The following GALC variants were observed in gnomAD, a reference collection of about 807,000 sequenced individuals.
The protein encoded by GALC is galactosylceramidase.
A neutral mutation model predicts 91.8 loss-of-function variants in GALC; 77 were observed. That is an observed-to-expected ratio of 0.84 (90% CI 0.70 to 1.01). The LOEUF is 1.01. Among genes scored for constraint, GALC ranks in the 50% least tolerant of loss-of-function variants. GALC has a pLI of 0.00. For missense variants in GALC, 882 were observed against 855.9 expected, an observed-to-expected ratio of 1.03 and a Z score of -0.38; for synonymous variants, 357 against 306.7, an observed-to-expected ratio of 1.16 and a Z score of -1.71.
At chr14:87,965,113 ACT>A (rs1465590139) in intron 9 of GALC, among the ~76,000 whole-genome samples, 1 of 152,012 alleles carries the variant, frequency 6.6e-6, no homozygotes, top group Non-Finnish European at 1.5e-5. Context: ...TGTAATTGAA[ACT>A]CTATTAATAT....
intron 10 of GALC, 89 bp from the exon 11 acceptor site, chr14:87,950,837 C>T (rs1265243995): frequency 1.4e-6 from 1 of 737,706 alleles, no homozygotes; most frequent in Non-Finnish European, 2.4e-6. Flanking sequence ...CCAAGATTAA[C>T]AGAAATTTAC....
intron 9 of GALC, 97 bp from the exon 10 acceptor site, chr14:87,963,608 T>C (rs1885904115): frequency 2.9e-6 from 3 of 1,019,428 alleles, no homozygotes; most frequent in Non-Finnish European, 1.5e-6. Flanking sequence ...TGAGTCTGAT[T>C]CATCCAAACA....
intron 7 of GALC, among the ~76,000 whole-genome samples, chr14:87,970,130 C>A (rs1254775642): frequency 6.6e-6 from 1 of 152,158 alleles, no homozygotes; most frequent in East Asian, 1.9e-4. Context: ...TTCTATCCCA[C>A]AACTCCATTC....
At chr14:87,972,966 T>A (rs537012829) in intron 7 of GALC, among the ~76,000 whole-genome samples, 189 of 152,232 alleles carry the variant, frequency 1.2e-3, no homozygotes, top group Non-Finnish European at 2.4e-3. Flanking sequence ...AATGGTAAAG[T>A]GTATACAACA....
At chr14:87,989,406 C>T (rs533600557) in intron 1 of GALC, among the ~76,000 whole-genome samples, 1 of 152,274 alleles carries the variant, frequency 6.6e-6, no homozygotes, top group East Asian at 1.9e-4. Context: ...AAAACATCCC[C>T]AGTCCCTACC....
At chr14:87,953,965 C>G (rs1433648403) in intron 10 of GALC, 1 of 1,608,694 alleles carries the variant, frequency 6.2e-7, no homozygotes, top group East Asian at 2.2e-5. Context: ...AGGACTGCAG[C>G]ATTTTGGGCA....
At chr14:87,935,274 G>C (rs1884523649) in intron 16 of GALC, among the ~76,000 whole-genome samples, 1 of 152,094 alleles carries the variant, frequency 6.6e-6, no homozygotes, top group Non-Finnish European at 1.5e-5. Flanking sequence ...CAGCTCTTCA[G>C]ACATGACTGC....
intron 5 of GALC, among the ~76,000 whole-genome samples, chr14:87,983,470 T>C (rs1040685554): frequency 1.3e-5 from 2 of 152,252 alleles, no homozygotes; most frequent in Non-Finnish European, 2.9e-5. Flanking sequence ...ACAGTTTATA[T>C]GTTCCAGCAT....
chr14:87,954,554 G>T, intron 10 of GALC: 1 of 1,560,758 alleles, frequency 6.4e-7, no homozygotes, highest in South Asian at 1.1e-5. Context: ...CTTGTTTGAT[G>T]ATGATGTAAG....
intron 10 of GALC, among the ~76,000 whole-genome samples, chr14:87,951,782 T>C (rs1233906651): frequency 6.6e-6 from 1 of 151,950 alleles, no homozygotes; most frequent in Non-Finnish European, 1.5e-5. Flanking sequence ...TTTTCAGCTT[T>C]ATGAAAATGA....
At chr14:87,981,365 C>G (rs190877568) in intron 6 of GALC, 1 of 161,078 alleles carries the variant, frequency 6.2e-6, no homozygotes, top group South Asian at 1.8e-4. Flanking sequence ...GTATACTGCT[C>G]CAGTGATGGG....
At chr14:87,940,402 G>C (rs963077240) in intron 15 of GALC, among the ~76,000 whole-genome samples, 3 of 151,914 alleles carry the variant, frequency 2.0e-5, no homozygotes, top group African/African-American at 7.2e-5. Context: ...GGAGAAAATA[G>C]TAAGTTAATT....
In GALC at chr14:87,945,455, G is replaced by C. The variant is rs144779780; in HGVS notation, c.1670+98C>G. The C allele has an allele frequency of 1.1e-4, 102 of 910,570 alleles. No homozygotes were observed. The East Asian group carries it at 2.3e-3, about 20-fold the overall frequency. The allele number at this position is 910,570 out of a possible 1,614,324, so 56.4% of individuals were successfully genotyped here. A position where few individuals can be genotyped will look rare whatever the true frequency, so the allele number is the denominator to read the frequency against. ...CATATTACACATCTATTAGGTTCTT[G>C]AAATAGGAGGACCATTGAAAACTCT... On this transcript the variant is annotated intron_variant, in intron 14 of 16. Coordinates refer to ENST00000261304, the MANE Select transcript of GALC (RefSeq NM_000153.4).
At chr14:87,976,828 C>G (rs886456671) in intron 6 of GALC, 6 of 326,360 alleles carry the variant, frequency 1.8e-5, no homozygotes, top group African/African-American at 6.5e-5. Context: ...ATTGGCCAGG[C>G]TGGTCTTGAA....
intron 4 of GALC, among the ~76,000 whole-genome samples, chr14:87,985,555 G>C (rs578140308): frequency 2.6e-5 from 4 of 152,142 alleles, no homozygotes; most frequent in African/African-American, 9.7e-5. Flanking sequence ...AGCATTTCTG[G>C]AATCTCTTAC....
chr14:87,947,774 T>C lies in GALC; in HGVS notation c.1443A>G (p.Pro481=), dbSNP rs1359281521. Residue 481 remains proline, a synonymous_variant, in exon 13 of 17, where the codon CCA becomes CCG. Coordinates refer to ENST00000261304, the MANE Select transcript of GALC (RefSeq NM_000153.4). ...AGGTACTTGGGAAGGGCTGGGATTT[T>C]GGAGGAAGCGGGTAGCTGCCTTTGC... The part of the protein sequence containing the change: ...TGRKGSYPLP[P]KSQPFPSTYK... 1.2e-6 allele frequency: 2 copies of C among 1,612,904 alleles called. No individual in the cohort carries two copies. The highest frequency in any genetic ancestry group is 1.7e-6 in the Non-Finnish European group (2 of 1,179,312).
In GALC at chr14:87,984,135, CA is replaced by C. The variant is rs36113094; in HGVS notation, c.582+258del. ...AAGGAGAATTTGAGTTGGGTTGATA[CA>C]AAAAAAAAAAAAAAAAACCCAGCTC... On this transcript the variant is annotated intron_variant, in intron 5 of 16. Coordinates refer to ENST00000261304, the MANE Select transcript of GALC (RefSeq NM_000153.4). Among the ~76,000 whole-genome samples, 1,790 of 116,260 alleles carry C rather than the reference CA, an allele frequency of 0.015. 27 individuals are homozygous for C. Among genetic ancestry groups the C allele is most frequent in the African/African-American group, 0.054 (1,642 of 30,638 alleles). The allele number at this position is 116,260 out of a possible 152,430, so 76.3% of individuals were successfully genotyped here. A position where few individuals can be genotyped will look rare whatever the true frequency, so the allele number is the denominator to read the frequency against.
At chr14:87,953,388 A>T in intron 10 of GALC, 3 of 1,434,352 alleles carry the variant, frequency 2.1e-6, no homozygotes, top group Non-Finnish European at 2.9e-6. Context: ...TTACAGAAGC[A>T]TATGAAAGTG....
chr14:87,960,092 A>G (rs934291228), intron 10 of GALC, among the ~76,000 whole-genome samples: 1 of 152,214 alleles, frequency 6.6e-6, no homozygotes, highest in African/African-American at 2.4e-5. Flanking sequence ...AGTTGATATC[A>G]CAGATGCAGA....
Sources: gnomAD v4.1 joint callset for allele counts (sites outside exome capture counted in the v4.1 genomes callset) on GRCh38, gnomAD v4.1.1 for gene constraint, MANE v1.5 for transcripts, NCBI Gene and HGNC (gene_info 2026-07-23, HGNC 2026-07-21) for gene names.